The following CDH12 variants were observed in gnomAD, a reference collection of about 807,000 sequenced individuals.
CDH12 encodes cadherin-12.
A neutral mutation model predicts 74.1 loss-of-function variants in CDH12; 41 were observed. The observed-to-expected ratio is 0.55, with a 90% CI of 0.43 to 0.72. CDH12 has a LOEUF of 0.72. CDH12 is among the 30% of genes least tolerant of loss of function. The probability of loss-of-function intolerance (pLI) is 0.00; values close to 1 mark genes in which losing one functional copy is unlikely to be tolerated. For missense variants in CDH12, 945 were observed against 977.2 expected, an observed-to-expected ratio of 0.97 and a Z score of 0.44; for synonymous variants, 399 against 355.0, an observed-to-expected ratio of 1.12 and a Z score of -1.39.
intron 1 of CDH12, among the ~76,000 whole-genome samples, chr5:22,752,525 A>G (rs1745630663): frequency 7.1e-6 from 1 of 141,842 alleles, no homozygotes; most frequent in Admixed American, 7.1e-5. Flanking sequence ...GCAGTGATGA[A>G]GAAAGCAGAT....
At chr5:22,735,370 TAC>T (rs1007703806) in intron 1 of CDH12, among the ~76,000 whole-genome samples, 1 of 151,876 alleles carries the variant, frequency 6.6e-6, no homozygotes, top group Non-Finnish European at 1.5e-5. Flanking sequence ...ATTTATGAAA[TAC>T]ACACACATAT....
intron 1 of CDH12, among the ~76,000 whole-genome samples, chr5:22,562,238 A>C (rs1481370123): frequency 6.6e-6 from 1 of 151,602 alleles, no homozygotes; most frequent in Non-Finnish European, 1.5e-5. Flanking sequence ...AATGGCGTGA[A>C]CCCGGGAGGT....
intron 1 of CDH12, among the ~76,000 whole-genome samples, chr5:22,694,243 G>A (rs1467155504): frequency 6.6e-6 from 1 of 152,154 alleles, no homozygotes; most frequent in African/African-American, 2.4e-5. Context: ...TAAGAGAGAA[G>A]AAACACTCTT....
intron 9 of CDH12, among the ~76,000 whole-genome samples, chr5:21,806,808 C>T (rs1747452119): frequency 6.6e-6 from 1 of 152,186 alleles, no homozygotes; most frequent in Non-Finnish European, 1.5e-5. Flanking sequence ...GGCTGGCAGT[C>T]TTGGCTCATT....
chr5:21,967,151 C>A (rs1412449186), intron 6 of CDH12, among the ~76,000 whole-genome samples: 1 of 152,082 alleles, frequency 6.6e-6, no homozygotes, highest in Non-Finnish European at 1.5e-5. Flanking sequence ...CAGCTGACAT[C>A]TATATGAAAT....
intron 3 of CDH12, among the ~76,000 whole-genome samples, chr5:22,249,259 C>T (rs936831426): frequency 4.6e-5 from 7 of 152,074 alleles, no homozygotes; most frequent in Non-Finnish European, 1.0e-4. Context: ...AATTATCTGT[C>T]AAGGTTAAAG....
intron 3 of CDH12, among the ~76,000 whole-genome samples, chr5:22,279,712 T>A (rs931286511): frequency 4.6e-5 from 7 of 152,198 alleles, no homozygotes; most frequent in Non-Finnish European, 7.3e-5. Flanking sequence ...GAACTCATCA[T>A]TTTTTATGGC....
At chr5:21,997,109 A>G (rs536114544) in intron 5 of CDH12, among the ~76,000 whole-genome samples, 1 of 152,234 alleles carries the variant, frequency 6.6e-6, no homozygotes, top group South Asian at 2.1e-4. Context: ...CTTCTTAGCA[A>G]TCAAGATGAG....
At chr5:22,133,359 A>T (rs1228974790) in intron 4 of CDH12, among the ~76,000 whole-genome samples, 5 of 152,144 alleles carry the variant, frequency 3.3e-5, no homozygotes, top group Non-Finnish European at 7.4e-5. Context: ...TCTCATATCC[A>T]TCCATCTATT....
At chr5:21,869,722 T>A (rs1751516961) in intron 6 of CDH12, among the ~76,000 whole-genome samples, 1 of 152,146 alleles carries the variant, frequency 6.6e-6, no homozygotes, top group Non-Finnish European at 1.5e-5. Context: ...CAAAGGATAC[T>A]TGTATCATAT....
intron 11 of CDH12, among the ~76,000 whole-genome samples, chr5:21,777,288 T>C (rs1187164225): frequency 6.6e-6 from 1 of 152,104 alleles, no homozygotes; most frequent in Non-Finnish European, 1.5e-5. Flanking sequence ...ACCACTGTTA[T>C]GTACATAATA....
chr5:21,860,427 T>C (rs1331723377), intron 6 of CDH12, among the ~76,000 whole-genome samples: 1 of 150,276 alleles, frequency 6.7e-6, no homozygotes, highest in Non-Finnish European at 1.5e-5. Flanking sequence ...GGGTTCAAGT[T>C]GACAAGAGGT....
chr5:21,753,022 G>A (rs999988508), intron 14 of CDH12, among the ~76,000 whole-genome samples: 1 of 152,088 alleles, frequency 6.6e-6, no homozygotes, highest in African/African-American at 2.4e-5. Context: ...ATTCCCAGTT[G>A]ATTTAAAGCT....
At chr5:21,859,281 A>G (rs772741925) in intron 6 of CDH12, among the ~76,000 whole-genome samples, 14 of 151,928 alleles carry the variant, frequency 9.2e-5, no homozygotes, top group Non-Finnish European at 1.5e-4. Context: ...TCAGGAGGGA[A>G]GGTGAAGGGG....
At chr5:21,920,667 T>TCTAATAATAATAATAATAATA (rs1554044298) in intron 6 of CDH12, among the ~76,000 whole-genome samples, 1 of 145,476 alleles carries the variant, frequency 6.9e-6, no homozygotes, top group Admixed American at 6.9e-5. Flanking sequence ...GAACTTAAAG[T>TCTAATAATAATAATAATAATA]ATGATAATAA....
chr5:21,942,040 G>T (rs1354288544), intron 6 of CDH12, among the ~76,000 whole-genome samples: 1 of 152,092 alleles, frequency 6.6e-6, no homozygotes, highest in Non-Finnish European at 1.5e-5. Flanking sequence ...GGTTATTTGG[G>T]TGTTCCAAAT....
intron 4 of CDH12, among the ~76,000 whole-genome samples, chr5:22,137,501 C>T (rs1323846131): frequency 1.3e-5 from 2 of 152,000 alleles, no homozygotes; most frequent in East Asian, 3.9e-4. Flanking sequence ...CTTTCTCTTT[C>T]ATTGTAAGTT....
At chr5:22,477,546 G>T (rs774883168) in intron 2 of CDH12, among the ~76,000 whole-genome samples, 23 of 152,110 alleles carry the variant, frequency 1.5e-4, no homozygotes, top group Admixed American at 1.3e-3. Flanking sequence ...TGCAATGAAC[G>T]TATGCATGCA....
intron 1 of CDH12, among the ~76,000 whole-genome samples, chr5:22,821,757 C>T (rs1338231058): frequency 6.6e-6 from 1 of 151,222 alleles, no homozygotes; most frequent in Non-Finnish European, 1.5e-5. Flanking sequence ...GAAGAACATT[C>T]CATGCTCATG....
Sources: allele counts gnomAD v4.1 joint callset (sites outside exome capture counted in the v4.1 genomes callset), GRCh38; gene constraint gnomAD v4.1.1; transcripts MANE v1.5; gene names NCBI Gene and HGNC (gene_info 2026-07-23, HGNC 2026-07-21).